The following WDR27 variants were observed in gnomAD, a reference collection of about 807,000 sequenced individuals.
WDR27 encodes WD repeat domain 27, also known as WD repeat-containing protein 27.
In WDR27, 100 loss-of-function variants were observed where a neutral mutation model predicts 114.4. The ratio of observed to expected loss-of-function variants is 0.87; its 90% CI spans 0.74 to 1.03. The LOEUF is 1.03. Ranked by LOEUF, WDR27 falls within the 50% of genes least tolerant of loss-of-function variation. The pLI is 0.00. For synonymous variants in WDR27, 449 were observed against 423.1 expected, an observed-to-expected ratio of 1.06 and a Z score of -0.75; for missense variants, 1,129 against 1,092.9, an observed-to-expected ratio of 1.03 and a Z score of -0.47.
At chr6:169,616,540 G>A (rs1183981233) in intron 21 of WDR27, among the ~76,000 whole-genome samples, 1 of 152,000 alleles carries the variant, frequency 6.6e-6, no homozygotes, top group African/African-American at 2.4e-5. Context: ...AATCATAATG[G>A]TAGATTTTTA....
intron 8 of WDR27, 136 bp from the exon 9 acceptor site, chr6:169,662,560 C>A (rs1731848949): frequency 1.7e-6 from 2 of 1,157,380 alleles, no homozygotes; most frequent in African/African-American, 1.5e-5. Flanking sequence ...TCGAGGAAAG[C>A]ACTAAGGTAA....
At chr6:169,687,040 A>T (rs996235371) in intron 2 of WDR27, among the ~76,000 whole-genome samples, 1 of 152,140 alleles carries the variant, frequency 6.6e-6, no homozygotes, top group Non-Finnish European at 1.5e-5. Flanking sequence ...AAATACAGTT[A>T]GATAGTAAGA....
At chr6:169,592,503 T>A (rs1189840120) in intron 23 of WDR27, among the ~76,000 whole-genome samples, 1 of 152,222 alleles carries the variant, frequency 6.6e-6, no homozygotes, top group African/African-American at 2.4e-5. Context: ...ATTTTTTATA[T>A]CTATAAAGAC....
intron 25 of WDR27, among the ~76,000 whole-genome samples, chr6:169,520,255 T>C (rs979788353): frequency 5.9e-5 from 9 of 152,170 alleles, no homozygotes; most frequent in African/African-American, 2.2e-4. Flanking sequence ...CCTTTGGCAT[T>C]TCTCCTGTTC....
intron 25 of WDR27, among the ~76,000 whole-genome samples, chr6:169,468,953 C>T (rs1156731400): frequency 1.3e-5 from 2 of 152,112 alleles, no homozygotes; most frequent in Non-Finnish European, 2.9e-5. Context: ...AAACATCTCT[C>T]TTTCTTCTTC....
intron 1 of WDR27, among the ~76,000 whole-genome samples, chr6:169,701,321 T>C (rs1366272394): frequency 6.6e-6 from 1 of 152,212 alleles, no homozygotes; most frequent in African/African-American, 2.4e-5. Context: ...AACTTGCTGT[T>C]TGGCTCGAGT....
chr6:169,595,912 CT>C (rs1806701470), intron 23 of WDR27, among the ~76,000 whole-genome samples: 2 of 151,394 alleles, frequency 1.3e-5, no homozygotes, highest in South Asian at 4.2e-4. Context: ...CTCAGATTCT[CT>C]TTTTGAGTAA....
At chr6:169,548,287 A>T (rs950041905) in intron 25 of WDR27, among the ~76,000 whole-genome samples, 2 of 152,194 alleles carry the variant, frequency 1.3e-5, no homozygotes, top group African/African-American at 2.4e-5. Context: ...TGCAACCCCA[A>T]TCAAAAGTGC....
chr6:169,525,184 C>A (rs1319473246), intron 25 of WDR27, among the ~76,000 whole-genome samples: 1 of 152,126 alleles, frequency 6.6e-6, no homozygotes, highest in Non-Finnish European at 1.5e-5. Context: ...CTCAATATCA[C>A]TTATCATCAG....
At chr6:169,555,426 G>A (rs1798737604) in intron 25 of WDR27, among the ~76,000 whole-genome samples, 1 of 152,180 alleles carries the variant, frequency 6.6e-6, no homozygotes, top group East Asian at 1.9e-4. Flanking sequence ...AGACCAGGCG[G>A]AAAGGTAGAC....
At chr6:169,645,023 T>TAAAAAAAAAAAA (rs776362942) in intron 16 of WDR27, among the ~76,000 whole-genome samples, 1 of 46,982 alleles carries the variant, frequency 2.1e-5, no homozygotes, top group Non-Finnish European at 3.9e-5. Context: ...AAAAAAAAAA[T>TAAAAAAAAAAAA]AAAAAAAAAA....
chr6:169,597,178 T>C (rs1039888709), intron 23 of WDR27, among the ~76,000 whole-genome samples: 11 of 152,336 alleles, frequency 7.2e-5, no homozygotes, highest in Admixed American at 7.2e-4. Flanking sequence ...TATCTTTCAG[T>C]TCTAGGAAAG....
At chr6:169,633,557 T>C (rs1816952941) in intron 20 of WDR27, among the ~76,000 whole-genome samples, 1 of 152,138 alleles carries the variant, frequency 6.6e-6, no homozygotes, top group African/African-American at 2.4e-5. Flanking sequence ...CTTCATAAAC[T>C]TGACCTATGA....
At chr6:169,524,778 A>C (rs1794764960) in intron 25 of WDR27, among the ~76,000 whole-genome samples, 1 of 152,222 alleles carries the variant, frequency 6.6e-6, no homozygotes, top group South Asian at 2.1e-4. Flanking sequence ...ACAAAAATCA[A>C]ATAAAAATGG....
At chr6:169,520,866 A>C (rs1187336439) in intron 25 of WDR27, among the ~76,000 whole-genome samples, 2 of 152,176 alleles carry the variant, frequency 1.3e-5, no homozygotes, top group Non-Finnish European at 2.9e-5. Flanking sequence ...AAAGCAATGA[A>C]GAATGCCTAT....
At chr6:169,649,079 T>G in intron 15 of WDR27, 119 bp downstream of exon 15, 1 of 770,536 alleles carries the variant, frequency 1.3e-6, no homozygotes, top group South Asian at 1.6e-5. Flanking sequence ...TGTGTACATA[T>G]GTGTGTAAAC....
the WDR27 span, among the ~76,000 whole-genome samples, chr6:169,439,839 A>G: frequency 1.4e-5 from 2 of 147,978 alleles, no homozygotes; most frequent in African/African-American, 5.2e-5. Context: ...ATAGGATGCA[A>G]TTATAATCGT....
chr6:169,694,809 T>A (rs9396949), intron 1 of WDR27, among the ~76,000 whole-genome samples: 44 of 152,152 alleles, frequency 2.9e-4, no homozygotes, highest in African/African-American at 1.0e-3. Flanking sequence ...CGGCAGCACC[T>A]GAGTGTGGCC....
chr6:169,472,006 T>C, intron 25 of WDR27, among the ~76,000 whole-genome samples: 1 of 152,282 alleles, frequency 6.6e-6, no homozygotes. Flanking sequence ...CATGACTTAA[T>C]CATCTTTTAA....
Sources: gnomAD v4.1 joint callset for allele counts (sites outside exome capture counted in the v4.1 genomes callset) on GRCh38, gnomAD v4.1.1 for gene constraint, MANE v1.5 for transcripts, NCBI Gene and HGNC (gene_info 2026-07-23, HGNC 2026-07-21) for gene names.